ATF3: variants seen among roughly 807,000 people sequenced by gnomAD.
ATF3 encodes the protein activating transcription factor 3.
ATF3 carries 10 observed loss-of-function variants against 18.4 expected under a neutral mutation model. The observed-to-expected ratio is 0.54, with a 90% CI of 0.34 to 0.92. The LOEUF is 0.92. Among genes scored for constraint, ATF3 ranks in the 40% least tolerant of loss-of-function variants. The pLI, the probability that ATF3 is intolerant of heterozygous loss-of-function variation, is 0.02. For missense variants in ATF3, 183 were observed against 222.3 expected (o/e 0.82, Z 1.12); for synonymous variants, 78 against 87.9 (o/e 0.89, Z 0.63).
Position 212,617,174 on chromosome 1 carries a change from T to G in ATF3, c.241-953T>G, listed in dbSNP as rs566293336. 1.1e-4 allele frequency among the ~76,000 whole-genome samples: 17 copies of G among 152,270 alleles called. 1 individual carries two copies. The South Asian group carries it at 3.3e-3, about 30-fold the overall frequency. On this transcript the variant is annotated intron_variant, in intron 2 of 3. Coordinates refer to ENST00000341491, the MANE Select transcript of ATF3 (RefSeq NM_001674.4). The stretch of plus-strand genomic sequence containing the variant: ...TACTAGGACCCAAGCACCCAGACAG[T>G]AGAGCAAGGACCAGGCAGCCTGCCC...
intron 1 of ATF3, among the ~76,000 whole-genome samples, chr1:212,600,729 G>A (rs1297877309): frequency 1.3e-5 from 2 of 152,210 alleles, no homozygotes; most frequent in Non-Finnish European, 2.9e-5. Flanking sequence ...GCTGCATCAG[G>A]CTGTAACTAT....
At chr1:212,610,651 A>G (rs931704903) in intron 1 of ATF3, among the ~76,000 whole-genome samples, 1 of 152,202 alleles carries the variant, frequency 6.6e-6, no homozygotes, top group Non-Finnish European at 1.5e-5. Flanking sequence ...TAGCCATTAT[A>G]GAATTCCTTT....
intron 1 of ATF3, among the ~76,000 whole-genome samples, chr1:212,584,487 A>G (rs2102629131): frequency 6.6e-6 from 1 of 152,296 alleles, no homozygotes; most frequent in Non-Finnish European, 1.5e-5. Context: ...AAGGCAGGAA[A>G]AAACTGATGT....
upstream of ATF3, among the ~76,000 whole-genome samples, chr1:212,605,091 A>C (rs1654582858): frequency 6.6e-6 from 1 of 152,202 alleles, no homozygotes; most frequent in Non-Finnish European, 1.5e-5. Context: ...CTCTTGATTC[A>C]TAATTAATTA....
At chr1:212,576,635 A>T (rs1664580406) in intron 1 of ATF3, among the ~76,000 whole-genome samples, 1 of 150,080 alleles carries the variant, frequency 6.7e-6, no homozygotes. Flanking sequence ...TTACATGTGG[A>T]CCCTGTTCCC....
intron 1 of ATF3, chr1:212,614,115 G>A (rs1420165752): frequency 1.3e-5 from 2 of 152,216 alleles, no homozygotes; most frequent in Non-Finnish European, 2.9e-5. Flanking sequence ...GAGACTCAAT[G>A]CTTGCATTGG....
intron 1 of ATF3, among the ~76,000 whole-genome samples, chr1:212,571,229 T>A (rs1664473715): frequency 6.6e-6 from 1 of 152,230 alleles, no homozygotes; most frequent in African/African-American, 2.4e-5. Context: ...GAACATTTTT[T>A]CATGTGCTTC....
At chr1:212,582,180 T>C (rs1320557129) in intron 1 of ATF3, among the ~76,000 whole-genome samples, 2 of 152,202 alleles carry the variant, frequency 1.3e-5, no homozygotes, top group Non-Finnish European at 2.9e-5. Context: ...GACAGACTTA[T>C]ATTTGCGATT....
At chr1:212,614,894 C>T in intron 1 of ATF3, 124 bp from the exon 2 acceptor site, 4 of 1,565,726 alleles carry the variant, frequency 2.6e-6, no homozygotes, top group South Asian at 1.1e-5. Context: ...AAACAGAAAC[C>T]CAAGGGCTTA....
At chr1:212,573,750 T>C (rs1316641273) in intron 1 of ATF3, among the ~76,000 whole-genome samples, 1 of 151,978 alleles carries the variant, frequency 6.6e-6, no homozygotes, top group Non-Finnish European at 1.5e-5. Context: ...TCTAAGTTCT[T>C]CAGCCGTGAT....
chr1:212,602,539 G>A (rs1004131899), intron 1 of ATF3, among the ~76,000 whole-genome samples: 3 of 152,092 alleles, frequency 2.0e-5, no homozygotes, highest in South Asian at 2.1e-4. Flanking sequence ...TCGTGGTTGC[G>A]CACTCAGACT....
At chr1:212,569,933 C>T (rs1410599704) in intron 1 of ATF3, among the ~76,000 whole-genome samples, 2 of 152,020 alleles carry the variant, frequency 1.3e-5, no homozygotes, top group African/African-American at 4.8e-5. Context: ...GAATCATAGT[C>T]TTTGATATAT....
Position 212,619,376 on chromosome 1 carries a change from A to G in ATF3, c.367A>G (p.Ser123Gly), listed in dbSNP as rs1010687118. 1.9e-6 allele frequency: 3 copies of G among 1,613,572 alleles called. No individual in the cohort carries two copies. The highest frequency in any genetic ancestry group is 2.5e-6 in the Non-Finnish European group (3 of 1,180,044). Residue 123 changes from serine (S) to glycine (G), a missense_variant, in exon 4 of 4, where the codon AGT becomes GGT. Transcript: ENST00000341491. This position sits in a 1 kb window ranked among gnomAD's most constrained non-coding sequence, Gnocchi z 4.4. ...CLQKESEKLE[S>G]VNAELKAQIE... is the part of the protein sequence containing the mutation. ...CCCCCAGGAGTCGGAGAAGCTGGAA[A>G]GTGTGAATGCTGAACTGAAGGCTCA...
intron 1 of ATF3, among the ~76,000 whole-genome samples, chr1:212,593,803 A>G (rs1290748147): frequency 6.6e-6 from 1 of 151,222 alleles, no homozygotes; most frequent in Non-Finnish European, 1.5e-5. Flanking sequence ...TTGTAAGCAT[A>G]CCTATGTGTC....
intron 1 of ATF3, among the ~76,000 whole-genome samples, chr1:212,598,640 C>T (rs1317669551): frequency 2.0e-5 from 3 of 152,208 alleles, no homozygotes; most frequent in Non-Finnish European, 2.9e-5. Context: ...TGGTAACCAT[C>T]CTTCTACTCT....
chr1:212,602,470 C>T (rs1654510426), intron 1 of ATF3, among the ~76,000 whole-genome samples: 1 of 152,106 alleles, frequency 6.6e-6, no homozygotes, highest in Admixed American at 6.5e-5. Context: ...AAGGAGGGCC[C>T]TGAACTGCAT....
chr1:212,587,048 A>G (rs1446446966), intron 1 of ATF3, among the ~76,000 whole-genome samples: 1 of 152,336 alleles, frequency 6.6e-6, no homozygotes, highest in South Asian at 2.1e-4. Context: ...CAACTCTGAC[A>G]CAAGTTTTGC....
At chr1:212,576,894 A>AT (rs35603068) in intron 1 of ATF3, among the ~76,000 whole-genome samples, 4,899 of 146,412 alleles carry the variant, frequency 0.033, 132 homozygotes, top group Admixed American at 0.081. Flanking sequence ...CACCCGGCTG[A>AT]TTTTTTTTTT....
chr1:212,597,419 T>TATCTATC (rs1553302899), intron 1 of ATF3, among the ~76,000 whole-genome samples: 2 of 150,730 alleles, frequency 1.3e-5, no homozygotes, highest in East Asian at 3.9e-4. Flanking sequence ...TTACATCTAT[T>TATCTATC]TATCTATCTA....
Sources: gnomAD v4.1 joint callset for allele counts (sites outside exome capture counted in the v4.1 genomes callset) on GRCh38, gnomAD v4.1.1 for gene constraint, Gnocchi (gnomAD v3.1) non-coding constraint, MANE v1.5 for transcripts, NCBI Gene and HGNC (gene_info 2026-07-23, HGNC 2026-07-21) for gene names.